The following NDUFS4 variants were observed in gnomAD, a reference collection of about 807,000 sequenced individuals.
NDUFS4 encodes NADH:ubiquinone oxidoreductase subunit S4.
NDUFS4 carries 28 observed loss-of-function variants against 24.3 expected under a neutral mutation model. The ratio of observed to expected loss-of-function variants is 1.15; its 90% CI spans 0.85 to 1.58. The LOEUF is 1.58. Ranked by LOEUF, NDUFS4 falls within the 40% of genes most tolerant of loss-of-function variation. The pLI is 0.00. For missense variants in NDUFS4, 223 were observed against 207.9 expected (o/e 1.07, Z -0.45); for synonymous variants, 93 against 69.7 (o/e 1.34, Z -1.67).
intron 1 of NDUFS4, among the ~76,000 whole-genome samples, chr5:53,583,533 A>C (rs1464431788): frequency 6.6e-6 from 1 of 152,200 alleles, no homozygotes; most frequent in Non-Finnish European, 1.5e-5. Flanking sequence ...CTTGATATGC[A>C]GTATAAACCC....
intron 4 of NDUFS4, among the ~76,000 whole-genome samples, chr5:53,678,811 T>A (rs1873426): frequency 2.0e-5 from 3 of 152,044 alleles, no homozygotes; most frequent in Non-Finnish European, 4.4e-5. Context: ...TTCGTCTAAC[T>A]TACCCATTCT....
intron 1 of NDUFS4, among the ~76,000 whole-genome samples, chr5:53,579,016 T>C (rs1749473145): frequency 6.6e-6 from 1 of 152,224 alleles, no homozygotes; most frequent in Admixed American, 6.5e-5. Flanking sequence ...ACCATTCCAC[T>C]GAAATAGCTT....
At chr5:53,682,920 A>AATC (rs1740717141) in intron 4 of NDUFS4, among the ~76,000 whole-genome samples, 198 bp from the exon 5 acceptor site, 2 of 143,076 alleles carry the variant, frequency 1.4e-5, no homozygotes, top group South Asian at 4.7e-4. Flanking sequence ...ATCTGCAGGC[A>AATC]ATCTTTTGGA....
At chr5:53,586,515 T>A (rs200925050) in intron 1 of NDUFS4, among the ~76,000 whole-genome samples, 14,033 of 101,292 alleles carry the variant, frequency 0.14, 771 homozygotes, top group Middle Eastern at 0.17. Flanking sequence ...TTAGTTAGTT[T>A]GTTTGTTTGT....
Position 53,560,709 on chromosome 5 carries a change from G to C in NDUFS4, c.47G>C (p.Arg16Pro). ...MSVVLRQTLW[R>P]RRAVAVAALS... ...GTGGTACTGAGGCAGACGTTGTGGC[G>C]GAGAAGGGCAGTGGCTGTAGCTGCC... Residue 16 changes from arginine to proline, a missense_variant, in exon 1 of 5, where the codon CGG becomes CCG. Transcript: ENST00000296684. 6 of 1,614,222 alleles carry C rather than the reference G, an allele frequency of 3.7e-6. No homozygotes were observed. The highest frequency in any genetic ancestry group is 5.1e-6 in the Non-Finnish European group (6 of 1,180,042).
At chr5:53,609,963 G>A (rs770676363) in intron 2 of NDUFS4, among the ~76,000 whole-genome samples, 2 of 152,298 alleles carry the variant, frequency 1.3e-5, no homozygotes, top group East Asian at 1.9e-4. Flanking sequence ...ACTTTCTCCA[G>A]TTAGCAATAA....
intron 2 of NDUFS4, among the ~76,000 whole-genome samples, chr5:53,609,908 G>C (rs1750645150): frequency 6.6e-6 from 1 of 152,116 alleles, no homozygotes; most frequent in Admixed American, 6.5e-5. Flanking sequence ...ATTAGACTTT[G>C]AATTAAGGGA....
intron 2 of NDUFS4, among the ~76,000 whole-genome samples, chr5:53,645,592 T>G (rs1392310963): frequency 6.6e-6 from 1 of 152,202 alleles, no homozygotes; most frequent in African/African-American, 2.4e-5. Context: ...TGGCAAAAAT[T>G]ATGCCACTTT....
At chr5:53,621,164 A>T (rs918361598) in intron 2 of NDUFS4, among the ~76,000 whole-genome samples, 1 of 152,138 alleles carries the variant, frequency 6.6e-6, no homozygotes, top group Non-Finnish European at 1.5e-5. Flanking sequence ...TGTGTTCTTG[A>T]TAAGTTGTTG....
chr5:53,665,661 T>C (rs1050404910), intron 4 of NDUFS4, among the ~76,000 whole-genome samples: 1 of 152,232 alleles, frequency 6.6e-6, no homozygotes, highest in African/African-American at 2.4e-5. Context: ...TGCCGTTTGC[T>C]AAGACCGTTG....
intron 3 of NDUFS4, among the ~76,000 whole-genome samples, chr5:53,658,018 C>A (rs1752214905): frequency 6.6e-6 from 1 of 151,944 alleles, no homozygotes; most frequent in Admixed American, 6.6e-5. Flanking sequence ...CACTGTCCTA[C>A]ATTGAAGAAT....
At chr5:53,634,530 TTTAA>T (rs1751495888) in intron 2 of NDUFS4, among the ~76,000 whole-genome samples, 1 of 152,226 alleles carries the variant, frequency 6.6e-6, no homozygotes, top group South Asian at 2.1e-4. Flanking sequence ...AAGAGTACTG[TTTAA>T]TTAAGAAATA....
intron 1 of NDUFS4, among the ~76,000 whole-genome samples, chr5:53,563,033 T>C (rs185635762): frequency 7.9e-5 from 12 of 151,906 alleles, no homozygotes; most frequent in African/African-American, 2.7e-4. Flanking sequence ...ATCGAGACCA[T>C]CCTGGCCAAC....
intron 2 of NDUFS4, among the ~76,000 whole-genome samples, chr5:53,620,266 A>G (rs2112477303): frequency 6.6e-6 from 1 of 152,316 alleles, no homozygotes; most frequent in South Asian, 2.1e-4. Context: ...TTCTGTGGAT[A>G]CTTTTCAGAC....
chr5:53,644,805 T>C (rs1751810640), intron 2 of NDUFS4, among the ~76,000 whole-genome samples: 1 of 152,126 alleles, frequency 6.6e-6, no homozygotes. Context: ...TGTGACAAAG[T>C]AGCCACACCT....
chr5:53,604,761 TAGCCACACCA>T, intron 2 of NDUFS4: 1 of 456,308 alleles, frequency 2.2e-6, no homozygotes, highest in South Asian at 1.5e-5. Context: ...TTCTGTGGTC[TAGCCACACCA>T]AGCCTGGAAC....
intron 1 of NDUFS4, chr5:53,573,588 CTTTATTT>C: frequency 2.2e-6 from 1 of 451,452 alleles, no homozygotes; most frequent in South Asian, 1.6e-5. Flanking sequence ...ATTTTCTTTT[CTTTATTT>C]TTTATTTTTT....
At chr5:53,571,025 T>C (rs1749194804) in intron 1 of NDUFS4, among the ~76,000 whole-genome samples, 1 of 152,140 alleles carries the variant, frequency 6.6e-6, no homozygotes, top group African/African-American at 2.4e-5. Flanking sequence ...TTTAATGGTA[T>C]TTCATTACGG....
intron 4 of NDUFS4, among the ~76,000 whole-genome samples, chr5:53,663,430 G>T (rs1348581724): frequency 1.3e-5 from 2 of 152,136 alleles, no homozygotes; most frequent in Non-Finnish European, 2.9e-5. Flanking sequence ...TGACAGTGGG[G>T]TGTTAAAGTC....
Sources: allele counts gnomAD v4.1 joint callset (sites outside exome capture counted in the v4.1 genomes callset), GRCh38; gene constraint gnomAD v4.1.1; transcripts MANE v1.5; gene names NCBI Gene and HGNC (gene_info 2026-07-23, HGNC 2026-07-21).